Variants in COPA observed in about 807,000 individuals in gnomAD.
COPA encodes the protein coatomer subunit alpha.
COPA carries 10 observed loss-of-function variants against 158.7 expected under a neutral mutation model. The observed-to-expected ratio is 0.06, with a 90% CI of 0.04 to 0.11. The LOEUF (loss-of-function observed/expected upper bound fraction) is 0.11, where lower values mean the gene tolerates loss of function less well. COPA is among the 10% of genes least tolerant of loss of function. COPA has a pLI of 1.00. For missense variants in COPA, 1,065 were observed against 1,536.7 expected (o/e 0.69, Z 5.13); for synonymous variants, 462 against 542.8 (o/e 0.85, Z 2.07).
chr1:160,301,495 G>A (rs761900049), intron 17 of COPA, among the ~76,000 whole-genome samples: 1 of 152,172 alleles, frequency 6.6e-6, no homozygotes, highest in African/African-American at 2.4e-5. Context: ...TATTTAGGCC[G>A]GGCATGGTGG....
At chr1:160,297,953 G>A (rs1658466591) in intron 19 of COPA, among the ~76,000 whole-genome samples, 1 of 152,136 alleles carries the variant, frequency 6.6e-6, no homozygotes, top group Non-Finnish European at 1.5e-5. Context: ...GCCAAGGCAG[G>A]CGGATCCCGA....
chr1:160,321,662 C>T (rs1659332925), intron 8 of COPA, among the ~76,000 whole-genome samples: 1 of 152,072 alleles, frequency 6.6e-6, no homozygotes, highest in Non-Finnish European at 1.5e-5. Context: ...GTGGTGTGCA[C>T]CTGTAGTCCC....
In COPA at chr1:160,296,207, T is replaced by C. The variant is rs114813584; in HGVS notation, c.2264-58A>G. On this transcript the variant is annotated intron_variant, in intron 21 of 32. Transcript: ENST00000241704. ...CATTTCCAAATGCATGCTGCTGTGGTAAGCAACCTCTGAAATGGCCCCCCA... is the reference window on the plus strand; with the variant it reads ...CATTTCCAAATGCATGCTGCTGTGGCAAGCAACCTCTGAAATGGCCCCCCA... 1,225 of 1,468,072 alleles carry C rather than the reference T, an allele frequency of 8.3e-4. 8 individuals carry two copies. The African/African-American group carries it at 0.014, about 17-fold the overall frequency. 90.9% of individuals were successfully genotyped at this position (1,468,072 alleles called of 1,614,324 possible).
intron 1 of COPA, among the ~76,000 whole-genome samples, chr1:160,340,575 G>T (rs866536312): frequency 2.6e-5 from 4 of 152,100 alleles, no homozygotes; most frequent in African/African-American, 9.7e-5. Context: ...TATTACAGAG[G>T]GGCTACAGCA....
chr1:160,295,978 G>A, intron 22 of COPA, 83 bp downstream of exon 22: 1 of 1,575,740 alleles, frequency 6.3e-7, no homozygotes, highest in South Asian at 1.1e-5. Flanking sequence ...CCAGGTGGGA[G>A]AGTGACATTC....
At chr1:160,292,237 T>C (rs573754263) in intron 28 of COPA, 39 bp from the exon 29 acceptor site, 1 of 1,591,002 alleles carries the variant, frequency 6.3e-7, no homozygotes, top group African/African-American at 1.4e-5. Context: ...GGATAGTCAG[T>C]AGGCAACTAG....
intron 10 of COPA, 134 bp from the exon 11 acceptor site, chr1:160,312,152 C>G (rs1658988675): frequency 1.3e-6 from 1 of 797,322 alleles, no homozygotes; most frequent in Non-Finnish European, 1.9e-6. Context: ...TGCCTAAATT[C>G]TCACAATTCT....
In COPA at chr1:160,292,575, G is replaced by T; in HGVS notation, c.2869C>A (p.Gln957Lys). Residue 957 changes from glutamine (Q) to lysine (K), a missense_variant, in exon 28 of 33, where the codon CAA becomes AAA. This residue lies in a region of COPA where 980 missense variants were observed against 1,357.8 expected (regional missense o/e 0.72). Coordinates refer to ENST00000241704, the MANE Select transcript of COPA (RefSeq NM_004371.4). ...VGVIQFGPYKQLFLQTYARGR... is the reference protein window; with the variant it reads ...VGVIQFGPYKKLFLQTYARGR... Reference sequence around the variant, plus strand: ...CGGGCGTATGTCTGTAGGAACAGTTGCTTGTAGGGGCCAAACTGGATTACC... The same window carrying T: ...CGGGCGTATGTCTGTAGGAACAGTTTCTTGTAGGGGCCAAACTGGATTACC... 2.5e-6 allele frequency: 4 copies of T among 1,613,882 alleles called. No individual in the cohort carries two copies. Among genetic ancestry groups the T allele is most frequent in the Non-Finnish European group, 3.4e-6 (4 of 1,179,930 alleles).
intron 7 of COPA, among the ~76,000 whole-genome samples, chr1:160,325,067 C>CTTT (rs199862603): frequency 1.4e-5 from 2 of 144,362 alleles, no homozygotes; most frequent in African/African-American, 2.5e-5. Flanking sequence ...CTCTAAATCT[C>CTTT]TTTTTTTTTT....
At chr1:160,334,325 G>A (rs979702158) in intron 4 of COPA, among the ~76,000 whole-genome samples, 3 of 152,106 alleles carry the variant, frequency 2.0e-5, no homozygotes, top group Non-Finnish European at 2.9e-5. Context: ...GCAAGTATAA[G>A]GCACACACAT....
chr1:160,307,155 T>C lies in COPA; in HGVS notation c.1302+8A>G, dbSNP rs773098059. ...CCAAATTAGTTTCTGCTTTTAGTCTTAACTCACCGAATGCATCCGATCTAG... is the reference window on the plus strand; with the variant it reads ...CCAAATTAGTTTCTGCTTTTAGTCTCAACTCACCGAATGCATCCGATCTAG... On this transcript the variant is annotated splice_region_variant and intron_variant, in intron 14 of 32. Coordinates refer to ENST00000241704, the MANE Select transcript of COPA (RefSeq NM_004371.4). The C allele has an allele frequency of 1.9e-6, 3 of 1,613,856 alleles. No individual in the cohort carries two copies. In the South Asian group the frequency reaches 3.3e-5, roughly 18 times the overall value.
At chr1:160,323,962 A>G (rs1287083669) in intron 7 of COPA, among the ~76,000 whole-genome samples, 2 of 151,864 alleles carry the variant, frequency 1.3e-5, no homozygotes, top group Non-Finnish European at 2.9e-5. Context: ...CCCGGGTTCA[A>G]GTAATTCTCT....
At chr1:160,324,457 A>ATTT (rs36119799) in intron 7 of COPA, among the ~76,000 whole-genome samples, 1 of 131,918 alleles carries the variant, frequency 7.6e-6, no homozygotes, top group Non-Finnish European at 1.6e-5. Flanking sequence ...CGCCCAGCTA[A>ATTT]TTTTTTTTTT....
intron 14 of COPA, 82 bp from the exon 15 acceptor site, chr1:160,306,575 G>T (rs908795236): frequency 6.5e-7 from 1 of 1,548,362 alleles, no homozygotes; most frequent in Non-Finnish European, 8.9e-7. Context: ...CTCAGCAATT[G>T]TTCCTTAGCT....
At position 160,343,239 on chromosome 1, in the gene COPA, C is replaced by T; in HGVS notation, c.-69G>A. ...CACCCTGCTGCCCTTCGGACGCCTC[C>T]ACGTCAGCGACCCTCTCCCGCGGTT... On this transcript the variant is annotated 5_prime_UTR_variant, in exon 1 of 33. Coordinates refer to ENST00000241704, the MANE Select transcript of COPA (RefSeq NM_004371.4). 1 of 1,603,814 alleles carries T rather than the reference C, an allele frequency of 6.2e-7. No individual in the cohort carries two copies. The highest frequency in any genetic ancestry group is 1.1e-5 in the South Asian group (1 of 90,894).
chr1:160,331,548 G>C (rs1253778146), intron 6 of COPA, among the ~76,000 whole-genome samples: 1 of 151,400 alleles, frequency 6.6e-6, no homozygotes, highest in Non-Finnish European at 1.5e-5. Flanking sequence ...AGTTACTTAT[G>C]AGGCACAAGA....
intron 17 of COPA, among the ~76,000 whole-genome samples, chr1:160,302,034 C>A (rs977344695): frequency 7.9e-5 from 12 of 151,934 alleles, no homozygotes; most frequent in African/African-American, 2.4e-5. Flanking sequence ...TGCTGGAGAT[C>A]CTAGTCAGTG....
intron 6 of COPA, among the ~76,000 whole-genome samples, chr1:160,329,094 T>G (rs1011594515): frequency 6.6e-6 from 1 of 152,098 alleles, no homozygotes; most frequent in Non-Finnish European, 1.5e-5. Context: ...TTGAACCCAA[T>G]AGCAAAAAAG....
At chr1:160,328,943 T>C (rs190753838) in intron 6 of COPA, among the ~76,000 whole-genome samples, 106 of 152,178 alleles carry the variant, frequency 7.0e-4, no homozygotes, top group African/African-American at 2.4e-3. Context: ...CAAAAAAAAA[T>C]AGTCAAAAAA....
Sources: gnomAD v4.1 joint callset for allele counts (sites outside exome capture counted in the v4.1 genomes callset) on GRCh38, gnomAD v4.1.1 for gene constraint, gnomAD v4.1.1 regional missense constraint, MANE v1.5 for transcripts, NCBI Gene and HGNC (gene_info 2026-07-23, HGNC 2026-07-21) for gene names.